Variants in RAB30 observed in about 807,000 individuals in gnomAD.
The protein encoded by RAB30 is RAB30, member RAS oncogene family.
Under a neutral mutation model 25.1 loss-of-function variants are expected in RAB30, and 9 were observed. The observed-to-expected ratio is 0.36, with a 90% CI of 0.22 to 0.63. The LOEUF (loss-of-function observed/expected upper bound fraction) is 0.63. RAB30 is among the 20% of genes least tolerant of loss of function. The pLI, the probability that RAB30 is intolerant of heterozygous loss-of-function variation, is 0.69. For synonymous variants in RAB30, 77 were observed against 86.4 expected (o/e 0.89, Z 0.60); for missense variants, 140 against 243.5 (o/e 0.58, Z 2.83).
In RAB30 at chr11:82,977,408, G is replaced by A. The variant is rs1189358647; in HGVS notation, c.*4757C>T. 6.6e-6 allele frequency: 1 copy of A among 152,080 alleles called. No individual in the cohort carries two copies. Among genetic ancestry groups the A allele is most frequent in the African/African-American group, 2.4e-5 (1 of 41,416 alleles). The allele number at this position is 152,080 out of a possible 1,614,324, so 9.4% of individuals were successfully genotyped here. A position where few individuals can be genotyped will look rare whatever the true frequency, so the allele number is the denominator to read the frequency against. On this transcript the variant is annotated 3_prime_UTR_variant, in exon 5 of 5. Transcript: ENST00000527633. ...ATATTTAATTGAACATGTTATGAGA[G>A]GCAAAGTACTACATACAACATGGAA...
intron 1 of RAB30, among the ~76,000 whole-genome samples, chr11:83,059,429 C>T (rs1858521289): frequency 6.6e-6 from 1 of 152,056 alleles, no homozygotes; most frequent in Non-Finnish European, 1.5e-5. Context: ...GTATACATAC[C>T]CATTTATTTA....
At chr11:83,042,382 A>G (rs1426874019) in intron 1 of RAB30, among the ~76,000 whole-genome samples, 1 of 151,896 alleles carries the variant, frequency 6.6e-6, no homozygotes, top group Non-Finnish European at 1.5e-5. Context: ...GTGAAACCCC[A>G]TCTCTACTAA....
At chr11:83,009,358 G>A (rs1026037949) in intron 1 of RAB30, among the ~76,000 whole-genome samples, 3 of 152,066 alleles carry the variant, frequency 2.0e-5, no homozygotes, top group South Asian at 2.1e-4. Flanking sequence ...GAGCCACCGC[G>A]CCCGGCCAAA....
chr11:83,036,849 C>T (rs1156494802), intron 1 of RAB30, among the ~76,000 whole-genome samples: 1 of 152,028 alleles, frequency 6.6e-6, no homozygotes, highest in African/African-American at 2.4e-5. Flanking sequence ...TTGGCGTGTC[C>T]AAGGAACATA....
intron 1 of RAB30, among the ~76,000 whole-genome samples, chr11:83,029,361 C>T (rs1857798316): frequency 2.0e-5 from 3 of 151,812 alleles, no homozygotes; most frequent in Admixed American, 2.0e-4. Flanking sequence ...TAATCTATCC[C>T]TTTCCCCCCC....
At chr11:83,066,115 A>G (rs1314594836) in intron 1 of RAB30, among the ~76,000 whole-genome samples, 2 of 152,198 alleles carry the variant, frequency 1.3e-5, no homozygotes, top group Admixed American at 6.5e-5. Flanking sequence ...AAATTCCTCC[A>G]TACTTGGAAA....
chr11:83,045,371 C>A (rs1347608434), intron 1 of RAB30, among the ~76,000 whole-genome samples: 1 of 152,082 alleles, frequency 6.6e-6, no homozygotes, highest in African/African-American at 2.4e-5. Flanking sequence ...GCTAAAACGA[C>A]CCTCCTGCCT....
chr11:83,025,344 T>C (rs1443983554), intron 1 of RAB30, among the ~76,000 whole-genome samples: 2 of 152,220 alleles, frequency 1.3e-5, no homozygotes, highest in Admixed American at 1.3e-4. Context: ...CATTCATTCT[T>C]TGTTAGGATG....
intron 1 of RAB30, among the ~76,000 whole-genome samples, chr11:83,001,768 C>T (rs186625558): frequency 3.9e-4 from 59 of 152,278 alleles, no homozygotes; most frequent in Non-Finnish European, 7.6e-4. Flanking sequence ...AAAGCATTTA[C>T]ACCCAGCCCT....
At chr11:83,065,196 T>C (rs1392511244) in intron 1 of RAB30, among the ~76,000 whole-genome samples, 1 of 152,058 alleles carries the variant, frequency 6.6e-6, no homozygotes, top group Non-Finnish European at 1.5e-5. Context: ...AAGACTAGCC[T>C]GGGCAACATA....
chr11:83,036,082 T>C (rs1857980728), intron 1 of RAB30, among the ~76,000 whole-genome samples: 1 of 152,116 alleles, frequency 6.6e-6, no homozygotes, highest in Admixed American at 6.5e-5. Context: ...AGAACTGCTA[T>C]TATACAGATG....
rs1590828701 is a variant in RAB30 at position 82,978,827 on chromosome 11, A to T, written c.*3338T>A. The T allele has an allele frequency of 2.6e-5, 4 of 152,178 alleles. No individual in the cohort carries two copies. The highest frequency in any genetic ancestry group is 9.6e-5 in the African/African-American group (4 of 41,458). 9.4% of individuals were successfully genotyped at this position (152,178 alleles called of 1,614,324 possible). On this transcript the variant is annotated 3_prime_UTR_variant, in exon 5 of 5. Transcript: ENST00000527633. ...AAACGGCTTAAATAATCCTCATCCA[A>T]ATATCTTATTTTGGCCAATCGTTTC...
intron 1 of RAB30, among the ~76,000 whole-genome samples, chr11:83,067,265 T>C (rs1487012509): frequency 6.6e-6 from 1 of 152,200 alleles, no homozygotes; most frequent in Non-Finnish European, 1.5e-5. Context: ...TTATAACAAA[T>C]AAGTAAACTG....
intron 1 of RAB30, among the ~76,000 whole-genome samples, chr11:83,070,606 G>T (rs1424299810): frequency 2.0e-5 from 3 of 151,748 alleles, no homozygotes; most frequent in Non-Finnish European, 2.9e-5. Flanking sequence ...ATCTGTTGTG[G>T]AGCCAGCCAG....
chr11:83,067,264 A>G (rs1195478870), intron 1 of RAB30, among the ~76,000 whole-genome samples: 1 of 152,202 alleles, frequency 6.6e-6, no homozygotes, highest in Non-Finnish European at 1.5e-5. Flanking sequence ...GTTATAACAA[A>G]TAAGTAAACT....
intron 1 of RAB30, among the ~76,000 whole-genome samples, chr11:83,064,038 T>G (rs1247470922): frequency 6.6e-6 from 1 of 152,182 alleles, no homozygotes; most frequent in African/African-American, 2.4e-5. Context: ...TTGATTATCT[T>G]TGTGGGTAGA....
intron 4 of RAB30, among the ~76,000 whole-genome samples, chr11:82,986,202 G>A (rs1440496004): frequency 6.6e-6 from 1 of 152,160 alleles, no homozygotes; most frequent in Admixed American, 6.6e-5. Context: ...TCTGAGATTT[G>A]CTTCAAAATA....
chr11:83,003,314 A>G (rs1475215111), intron 1 of RAB30, among the ~76,000 whole-genome samples: 1 of 152,170 alleles, frequency 6.6e-6, no homozygotes, highest in Non-Finnish European at 1.5e-5. Context: ...TGCAGAAAAT[A>G]CAGACAAGCA....
At position 82,975,180 on chromosome 11, in the gene RAB30, AT is replaced by A. The variant is rs1856522775; in HGVS notation, c.*6984del. On this transcript the variant is annotated 3_prime_UTR_variant, in exon 5 of 5. Coordinates refer to ENST00000527633, the MANE Select transcript of RAB30 (RefSeq NM_001286060.2). ...TTTTACATTTTTAAAAAATAAATCA[AT>A]TAACATTCATTGTCAAATAACCTAC... The A allele has an allele frequency of 6.6e-6, 1 of 152,196 alleles. No homozygotes were observed. The highest frequency in any genetic ancestry group is 2.1e-4 in the South Asian group (1 of 4,832). 9.4% of individuals were successfully genotyped at this position (152,196 alleles called of 1,614,324 possible). A position where few individuals can be genotyped will look rare whatever the true frequency, so the allele number is the denominator to read the frequency against.
Sources: allele counts gnomAD v4.1 joint callset (sites outside exome capture counted in the v4.1 genomes callset), GRCh38; gene constraint gnomAD v4.1.1; transcripts MANE v1.5; gene names NCBI Gene and HGNC (gene_info 2026-07-23, HGNC 2026-07-21).